Variants in DTNA observed in about 807,000 individuals in gnomAD.
DTNA encodes the protein dystrophin-related protein 3.
Under a neutral mutation model 100.7 loss-of-function variants are expected in DTNA, and 43 were observed. The ratio of observed to expected loss-of-function variants is 0.43; its 90% confidence interval spans 0.33 to 0.55. The LOEUF is 0.55. Among genes scored for constraint, DTNA ranks in the 20% least tolerant of loss-of-function variants. DTNA has a pLI of 0.04. For synonymous variants in DTNA, 349 were observed against 347.9 expected, an observed-to-expected ratio of 1.00 and a Z score of -0.04; for missense variants, 798 against 953.9, an observed-to-expected ratio of 0.84 and a Z score of 2.15.
intron 1 of DTNA, among the ~76,000 whole-genome samples, chr18:34,588,444 C>A (rs543320235): frequency 2.0e-5 from 3 of 152,144 alleles, no homozygotes; most frequent in African/African-American, 7.2e-5. Flanking sequence ...CTCGTTCTCA[C>A]CATCTTAAGA....
intron 2 of DTNA, among the ~76,000 whole-genome samples, chr18:34,765,593 T>C (rs575576539): frequency 3.3e-5 from 5 of 152,336 alleles, no homozygotes; most frequent in African/African-American, 1.2e-4. Context: ...CCAATAGCAA[T>C]GCACTTTAAA....
chr18:34,524,390 G>A (rs76901169), intron 1 of DTNA, among the ~76,000 whole-genome samples: 11,317 of 152,112 alleles, frequency 0.074, 523 homozygotes, highest in South Asian at 0.11. Context: ...TATATTTACC[G>A]TTAAAAATGA....
chr18:34,553,789 A>G (rs1281989451), intron 1 of DTNA, among the ~76,000 whole-genome samples: 1 of 152,098 alleles, frequency 6.6e-6, no homozygotes, highest in Non-Finnish European at 1.5e-5. Context: ...GTAGCCTTGT[A>G]TAGTTTGAAG....
chr18:34,773,998 C>T (rs762971528), intron 3 of DTNA, among the ~76,000 whole-genome samples: 26 of 152,208 alleles, frequency 1.7e-4, no homozygotes, highest in African/African-American at 3.4e-4. Flanking sequence ...CCTGTAGTCT[C>T]GTTTCCAGGC....
chr18:34,566,535 G>A (rs1489458849), intron 1 of DTNA, among the ~76,000 whole-genome samples: 1 of 152,198 alleles, frequency 6.6e-6, no homozygotes, highest in Non-Finnish European at 1.5e-5. Flanking sequence ...AATTCTGTGT[G>A]AGGACACATG....
At chr18:34,613,670 G>T (rs569814072) in intron 1 of DTNA, among the ~76,000 whole-genome samples, 1 of 152,304 alleles carries the variant, frequency 6.6e-6, no homozygotes, top group East Asian at 1.9e-4. Flanking sequence ...CCAGCTCAAG[G>T]CCCTAACTCT....
chr18:34,875,279 C>T lies in DTNA; in HGVS notation c.1784C>T (p.Thr595Ile). The part of the protein sequence containing the change: ...AGSPRSSPSH[T>I]ISRPIPMPIR... The stretch of plus-strand genomic sequence containing the variant: ...TCTCCCCGCTCCTCCCCCAGCCACA[C>T]CATCAGCAGGCCAATTCCCATGCCC... The change falls in exon 18 of 23, where the codon ACC (threonine) becomes ATC (isoleucine). Residue 595 changes from threonine to isoleucine, a missense_variant. By Grantham distance (89) the Thr-to-Ile change is moderately conservative. Around this residue, in one of 6 missense-constraint regions of DTNA, gnomAD observed 242 missense variants for 238.2 expected, o/e 1.02. Coordinates refer to ENST00000444659, the MANE Select transcript of DTNA (RefSeq NM_001386795.1). 3.1e-6 allele frequency: 5 copies of T among 1,614,224 alleles called. No individual in the cohort carries two copies. The highest frequency in any genetic ancestry group is 3.4e-6 in the Non-Finnish European group (4 of 1,180,038).
rs144251604 is a variant in DTNA at position 34,839,927 on chromosome 18, T to C, written c.1346+1090T>C. Reference sequence around the variant, plus strand: ...AGGCATTCCTCAGATGCTAGGCCATTGCTCCATGCTCCTTGCCCTCACCAC... The same window carrying C: ...AGGCATTCCTCAGATGCTAGGCCATCGCTCCATGCTCCTTGCCCTCACCAC... On this transcript the variant is annotated intron_variant, in intron 13 of 22. Coordinates refer to ENST00000444659, the MANE Select transcript of DTNA (RefSeq NM_001386795.1). 2.5e-3 allele frequency among the ~76,000 whole-genome samples: 386 copies of C among 152,294 alleles called. 3 individuals are homozygous for C. The highest frequency in any genetic ancestry group is 9.0e-3 in the African/African-American group (373 of 41,588).
chr18:34,597,886 T>C (rs566272091), intron 1 of DTNA, among the ~76,000 whole-genome samples: 1 of 152,080 alleles, frequency 6.6e-6, no homozygotes, highest in South Asian at 2.1e-4. Flanking sequence ...TCTTTTTAAG[T>C]GTATAGCTCA....
At chr18:34,741,591 A>G (rs2090656190) in intron 1 of DTNA, among the ~76,000 whole-genome samples, 1 of 152,186 alleles carries the variant, frequency 6.6e-6, no homozygotes, top group Admixed American at 6.5e-5. Flanking sequence ...CCTTTGGAGC[A>G]GAATATTCCT....
At chr18:34,504,378 A>G (rs906342998) in intron 1 of DTNA, among the ~76,000 whole-genome samples, 1 of 152,166 alleles carries the variant, frequency 6.6e-6, no homozygotes, top group African/African-American at 2.4e-5. Flanking sequence ...TTTTGCTTCA[A>G]CAAGCAAAGA....
intron 1 of DTNA, among the ~76,000 whole-genome samples, chr18:34,530,679 C>G (rs77992660): frequency 6.6e-6 from 1 of 151,990 alleles, no homozygotes; most frequent in Non-Finnish European, 1.5e-5. Context: ...TTAACCCCTC[C>G]AACAGTGCTT....
At chr18:34,519,195 G>C (rs2041941525) in intron 1 of DTNA, among the ~76,000 whole-genome samples, 1 of 152,162 alleles carries the variant, frequency 6.6e-6, no homozygotes, top group East Asian at 1.9e-4. Flanking sequence ...AGGAGGAACT[G>C]TCCTAGTAAT....
intron 1 of DTNA, among the ~76,000 whole-genome samples, chr18:34,605,043 A>G (rs2052724791): frequency 6.6e-6 from 1 of 152,030 alleles, no homozygotes; most frequent in African/African-American, 2.4e-5. Flanking sequence ...CCAAGTGATA[A>G]GTCTGCATAC....
rs2096954512 is a variant in DTNA at position 34,889,868 on chromosome 18, G to A, written c.*2134G>A. ...ATTGATTTTTATTGCGGGTTTTGTT[G>A]GGGTGTCTTAATGTTCATCTCTTTT... On this transcript the variant is annotated 3_prime_UTR_variant, in exon 23 of 23. Coordinates refer to ENST00000444659, the MANE Select transcript of DTNA (RefSeq NM_001386795.1). 4 of 995,878 alleles carry A rather than the reference G, an allele frequency of 4.0e-6. No homozygotes were observed. Among genetic ancestry groups the A allele is most frequent in the Middle Eastern group, 5.2e-4 (1 of 1,936 alleles). 61.7% of individuals were successfully genotyped at this position (995,878 alleles called of 1,614,324 possible).
intron 1 of DTNA, among the ~76,000 whole-genome samples, chr18:34,734,674 A>G (rs935689743): frequency 6.6e-6 from 1 of 152,024 alleles, no homozygotes; most frequent in Non-Finnish European, 1.5e-5. Context: ...TTCTTTCAAC[A>G]CTTTGTCCAC....
intron 10 of DTNA, among the ~76,000 whole-genome samples, chr18:34,828,781 T>G (rs1002826759): frequency 6.6e-6 from 1 of 152,180 alleles, no homozygotes; most frequent in Non-Finnish European, 1.5e-5. Flanking sequence ...ACATCCACAG[T>G]AAAATAATAT....
chr18:34,569,008 A>G (rs965164818), intron 1 of DTNA, among the ~76,000 whole-genome samples: 2 of 152,230 alleles, frequency 1.3e-5, no homozygotes, highest in African/African-American at 4.8e-5. Flanking sequence ...CCATGTTACT[A>G]TGCTGAATCC....
intron 1 of DTNA, among the ~76,000 whole-genome samples, chr18:34,514,624 G>A (rs2145016120): frequency 6.6e-6 from 1 of 152,038 alleles, no homozygotes; most frequent in East Asian, 1.9e-4. Flanking sequence ...GGTGGCTAAG[G>A]AAGAACAGGA....
Sources: gnomAD v4.1 joint callset for allele counts (sites outside exome capture counted in the v4.1 genomes callset) on GRCh38, gnomAD v4.1.1 for gene constraint, gnomAD v4.1.1 regional missense constraint, MANE v1.5 for transcripts, NCBI Gene and HGNC (gene_info 2026-07-23, HGNC 2026-07-21) for gene names.